NEIL2: variants seen among roughly 807,000 people sequenced by gnomAD.
NEIL2 encodes the protein endonuclease 8-like 2.
Under a neutral mutation model 22.2 loss-of-function variants are expected in NEIL2, and 23 were observed. The ratio of observed to expected loss-of-function variants is 1.04; its 90% CI spans 0.75 to 1.47. The LOEUF is 1.47. Ranked by LOEUF, NEIL2 falls within the 40% of genes most tolerant of loss-of-function variation. The probability of loss-of-function intolerance (pLI) is 0.00; values close to 1 mark genes in which losing one functional copy is unlikely to be tolerated. For missense variants in NEIL2, 583 were observed against 404.7 expected (o/e 1.44, Z -3.78); for synonymous variants, 229 against 164.8 (o/e 1.39, Z -2.99).
In NEIL2 at chr8:11,786,580, C is replaced by A. The variant is rs1208453623; in HGVS notation, c.*307C>A. On this transcript the variant is annotated 3_prime_UTR_variant, in exon 5 of 5. Transcript: ENST00000284503. ...GGCAATGGGGCAAGGAAAAAGAAAG[C>A]CTATGGGAAATGGCTGTGCTCCCAA... 1 of 442,908 alleles carries A rather than the reference C, an allele frequency of 2.3e-6. No homozygotes were observed. The highest frequency in any genetic ancestry group is 4.2e-6 in the Non-Finnish European group (1 of 240,920). 27.4% of individuals were successfully genotyped at this position (442,908 alleles called of 1,614,324 possible).
intron 2 of NEIL2, among the ~76,000 whole-genome samples, chr8:11,778,459 A>C (rs1203247451): frequency 6.6e-6 from 1 of 152,196 alleles, no homozygotes; most frequent in Non-Finnish European, 1.5e-5. Flanking sequence ...TAACAAGTTA[A>C]AGATCATACC....
Position 11,786,370 on chromosome 8 carries a change from A to G in NEIL2, c.*97A>G, listed in dbSNP as rs954908246. ...TGTGGGCAGGGACGGGGTACAGAGG[A>G]TAGTGTGGGTCAGAGGTGCCAGTAG... On this transcript the variant is annotated 3_prime_UTR_variant, in exon 5 of 5. Coordinates refer to ENST00000284503, the MANE Select transcript of NEIL2 (RefSeq NM_145043.4). 8.1e-7 allele frequency: 1 copy of G among 1,229,698 alleles called. No individual in the cohort carries two copies. Among genetic ancestry groups the G allele is most frequent in the Non-Finnish European group, 1.2e-6 (1 of 854,870 alleles). 76.2% of individuals were successfully genotyped at this position (1,229,698 alleles called of 1,614,324 possible).
intron 3 of NEIL2, chr8:11,782,708 T>C (rs1212629334): frequency 1.0e-5 from 2 of 200,262 alleles, no homozygotes; most frequent in Admixed American, 5.2e-5. Flanking sequence ...AAGTGAACCA[T>C]TGTAAGTCAG....
intron 2 of NEIL2, among the ~76,000 whole-genome samples, chr8:11,772,128 G>A (rs1883016): frequency 0.18 from 27,817 of 152,092 alleles, 2,914 homozygotes; most frequent in Middle Eastern, 0.34. Flanking sequence ...GCTTGAACCC[G>A]GGAGGCCGAG....
intron 2 of NEIL2, among the ~76,000 whole-genome samples, chr8:11,772,430 T>C (rs1803537651): frequency 6.6e-6 from 1 of 152,178 alleles, no homozygotes. Context: ...TTCCTTTTTC[T>C]CCCAACTCTG....
intron 4 of NEIL2, among the ~76,000 whole-genome samples, chr8:11,784,368 T>C (rs1361001002): frequency 6.6e-6 from 1 of 152,252 alleles, no homozygotes; most frequent in African/African-American, 2.4e-5. Flanking sequence ...CACATGTTCT[T>C]GTCCTTACTG....
chr8:11,783,816 A>T (rs1044005562), intron 4 of NEIL2, among the ~76,000 whole-genome samples: 7 of 152,162 alleles, frequency 4.6e-5, no homozygotes, highest in African/African-American at 1.7e-4. Context: ...GTTCTAAGGG[A>T]TGCTGCTCTT....
intron 4 of NEIL2, among the ~76,000 whole-genome samples, chr8:11,785,485 G>A (rs563839956): frequency 3.2e-4 from 49 of 152,268 alleles, no homozygotes; most frequent in African/African-American, 1.2e-3. Flanking sequence ...AATGCGCCAG[G>A]CCAACATTTT....
rs187553613 is a variant in NEIL2 at position 11,778,541 on chromosome 8, A to G, written c.139-1057A>G. Among the ~76,000 whole-genome samples, 58 of 152,310 alleles carry G rather than the reference A, an allele frequency of 3.8e-4. 2 individuals are homozygous for G. Among genetic ancestry groups the G allele is most frequent in the Admixed American group, 3.1e-3 (48 of 15,300 alleles). ...CACAGGCATTTCCAGTATTAATGCC[A>G]GATATTTTGGTTTATACTCCTTGAA... On this transcript the variant is annotated intron_variant, in intron 2 of 4. Transcript: ENST00000284503.
intron 2 of NEIL2, among the ~76,000 whole-genome samples, chr8:11,776,483 A>G (rs750128120): frequency 6.2e-4 from 94 of 152,234 alleles, no homozygotes; most frequent in Non-Finnish European, 1.3e-3. Context: ...TTTGACTTCT[A>G]TGGATAATGC....
intron 2 of NEIL2, among the ~76,000 whole-genome samples, chr8:11,774,839 A>C (rs1038853324): frequency 6.6e-6 from 1 of 152,240 alleles, no homozygotes; most frequent in South Asian, 2.1e-4. Context: ...TAAAGCTCCA[A>C]AATGATCTTT....
At chr8:11,772,006 C>T (rs1803495053) in intron 2 of NEIL2, among the ~76,000 whole-genome samples, 2 of 151,700 alleles carry the variant, frequency 1.3e-5, no homozygotes, top group Admixed American at 1.3e-4. Flanking sequence ...AGTTCAAGAC[C>T]AGCCTGGCTA....
chr8:11,786,059 A>G lies in NEIL2; in HGVS notation c.785A>G (p.Asp262Gly). Residue 262 changes from aspartate (D) to glycine (G), a missense_variant, in exon 5 of 5, where the codon GAT becomes GGT. By Grantham distance (94) the Asp-to-Gly change is moderately conservative (BLOSUM62 -1). Coordinates refer to ENST00000284503, the MANE Select transcript of NEIL2 (RefSeq NM_145043.4). Reference protein sequence around the residue: ...LSASRREVLVDHVVEFSTAWL... With the variant: ...LSASRREVLVGHVVEFSTAWL... ...GCCTCGCGTCGGGAGGTCCTGGTGG[A>G]TCACGTGGTGGAGTTCAGTACAGCC... The G allele has an allele frequency of 1.2e-6, 2 of 1,614,134 alleles. No homozygotes were observed. Among genetic ancestry groups the G allele is most frequent in the Non-Finnish European group, 1.7e-6 (2 of 1,180,014 alleles).
Position 11,785,982 on chromosome 8 carries a change from AGCCTT to A in NEIL2, c.710_714del (p.Ala237ValfsTer111), listed in dbSNP as rs758693262. The A allele has an allele frequency of 1.2e-6, 2 of 1,613,956 alleles. No individual in the cohort carries two copies. The highest frequency in any genetic ancestry group is 2.7e-5 in the African/African-American group (2 of 74,886). ...TTTCAGGGAACATCATTAAGAATGA[AGCCTT>A]GTACAGAGCTGGGATCCATCCCCTT... On this transcript the variant is annotated frameshift_variant, in exon 5 of 5. Transcript: ENST00000284503. LOFTEE classifies it low-confidence loss of function (END_TRUNC).
At chr8:11,770,952 C>T (rs914269696) in intron 1 of NEIL2, among the ~76,000 whole-genome samples, 5 of 152,164 alleles carry the variant, frequency 3.3e-5, no homozygotes, top group Non-Finnish European at 5.9e-5. Flanking sequence ...ACCTCCCCCA[C>T]GCTAGTGGTC....
chr8:11,786,351 C>A lies in NEIL2; in HGVS notation c.*78C>A. ...AAGTGTCCAGAAAGGAGGATGTGGG[C>A]AGGGACGGGGTACAGAGGATAGTGT... is the stretch of plus-strand genomic sequence containing the variant. On this transcript the variant is annotated 3_prime_UTR_variant, in exon 5 of 5. Coordinates refer to ENST00000284503, the MANE Select transcript of NEIL2 (RefSeq NM_145043.4). The A allele has an allele frequency of 7.1e-7, 1 of 1,410,674 alleles. No homozygotes were observed. The highest frequency in any genetic ancestry group is 9.8e-7 in the Non-Finnish European group (1 of 1,017,408). 87.4% of individuals were successfully genotyped at this position (1,410,674 alleles called of 1,614,324 possible).
rs1048216758 is a variant in NEIL2, at chr8:11,770,303, C to G, written c.-35C>G. ...ATGAAGGCTTTTCCAGAAGCTTCCC[C>G]GTAGAAGAGGATCAGGCATCCAACT... On this transcript the variant is annotated 5_prime_UTR_variant, in exon 1 of 5. Transcript: ENST00000284503. 1 of 152,170 alleles carries G rather than the reference C, an allele frequency of 6.6e-6. No individual in the cohort carries two copies. Among genetic ancestry groups the G allele is most frequent in the East Asian group, 1.9e-4 (1 of 5,192 alleles). 9.4% of individuals were successfully genotyped at this position (152,170 alleles called of 1,614,324 possible).
In NEIL2 at chr8:11,786,358, G is replaced by T. The variant is rs773351709; in HGVS notation, c.*85G>T. 1.5e-6 allele frequency: 2 copies of T among 1,326,956 alleles called. No individual in the cohort carries two copies. The highest frequency in any genetic ancestry group is 2.1e-6 in the Non-Finnish European group (2 of 942,716). 82.2% of individuals were successfully genotyped at this position (1,326,956 alleles called of 1,614,324 possible). ...CAGAAAGGAGGATGTGGGCAGGGAC[G>T]GGGTACAGAGGATAGTGTGGGTCAG... On this transcript the variant is annotated 3_prime_UTR_variant, in exon 5 of 5. Transcript: ENST00000284503.
intron 2 of NEIL2, 152 bp downstream of exon 2, chr8:11,771,737 T>A: frequency 1.4e-6 from 1 of 727,442 alleles, no homozygotes; most frequent in Non-Finnish European, 2.3e-6. Context: ...CTCACGTGTC[T>A]CAGCCAGAAG....
Sources: allele counts gnomAD v4.1 joint callset (sites outside exome capture counted in the v4.1 genomes callset), GRCh38; gene constraint gnomAD v4.1.1; transcripts MANE v1.5; gene names NCBI Gene and HGNC (gene_info 2026-07-23, HGNC 2026-07-21).